TENM4: variants seen among roughly 807,000 people sequenced by gnomAD.
TENM4 encodes the protein teneurin transmembrane protein 4.
TENM4 carries 82 observed loss-of-function variants against 243.3 expected under a neutral mutation model. That is an observed-to-expected ratio of 0.34 (90% CI 0.28 to 0.40). TENM4 has a LOEUF of 0.40. Ranked by LOEUF, TENM4 falls within the 10% of genes least tolerant of loss-of-function variation. The probability of loss-of-function intolerance (pLI) is 1.00; values close to 1 mark genes in which losing one functional copy is unlikely to be tolerated. For synonymous variants in TENM4, 1,412 were observed against 1,456.3 expected, an observed-to-expected ratio of 0.97 and a Z score of 0.69; for missense variants, 3,138 against 3,673.3, an observed-to-expected ratio of 0.85 and a Z score of 3.77.
intron 9 of TENM4, among the ~76,000 whole-genome samples, chr11:78,888,402 G>C (rs1203665434): frequency 3.9e-5 from 6 of 152,192 alleles, no homozygotes; most frequent in African/African-American, 1.4e-4. Context: ...TATTCAGAAG[G>C]GGAAAAGAGA....
At chr11:78,884,098 T>C (rs1945249) in intron 9 of TENM4, among the ~76,000 whole-genome samples, 77,298 of 152,176 alleles carry the variant, frequency 0.51, 23,800 homozygotes, top group East Asian at 0.78. Context: ...TCTTGTAAAT[T>C]ATCTTACAGA....
At chr11:79,306,670 A>G (rs1249853763) in intron 1 of TENM4, among the ~76,000 whole-genome samples, 1 of 152,224 alleles carries the variant, frequency 6.6e-6, no homozygotes, top group Non-Finnish European at 1.5e-5. Flanking sequence ...TATGAACTCT[A>G]CATGCACACA....
intron 1 of TENM4, among the ~76,000 whole-genome samples, chr11:79,316,370 C>T (rs1042855963): frequency 2.0e-5 from 3 of 152,146 alleles, no homozygotes; most frequent in Admixed American, 6.5e-5. Context: ...AAAGAAACAA[C>T]AGCCAACCAT....
At chr11:78,963,808 T>C (rs368798766) in intron 6 of TENM4, among the ~76,000 whole-genome samples, 4 of 151,144 alleles carry the variant, frequency 2.6e-5, no homozygotes, top group African/African-American at 9.7e-5. Flanking sequence ...CTTGGCTCAC[T>C]GCAACCTCTG....
intron 15 of TENM4, among the ~76,000 whole-genome samples, chr11:78,792,667 G>T (rs1857080764): frequency 6.6e-6 from 1 of 152,238 alleles, no homozygotes; most frequent in Non-Finnish European, 1.5e-5. Context: ...TTTGTTGAAA[G>T]AATAGATGAA....
intron 3 of TENM4, among the ~76,000 whole-genome samples, chr11:79,198,779 C>T (rs1863685465): frequency 1.3e-5 from 2 of 152,192 alleles, no homozygotes; most frequent in Admixed American, 1.3e-4. Context: ...GTGGCATTGT[C>T]CTGCCCTTGC....
intron 4 of TENM4, among the ~76,000 whole-genome samples, chr11:79,147,597 C>T (rs1408362334): frequency 6.6e-6 from 1 of 152,070 alleles, no homozygotes; most frequent in Non-Finnish European, 1.5e-5. Flanking sequence ...GAGTCTCTAG[C>T]ACCTCCTATC....
At chr11:78,871,107 T>C (rs10899573) in intron 9 of TENM4, among the ~76,000 whole-genome samples, 98,384 of 151,896 alleles carry the variant, frequency 0.65, 33,350 homozygotes, top group East Asian at 0.8. Flanking sequence ...AGAAAATGGC[T>C]GTGAAGAGCA....
intron 9 of TENM4, among the ~76,000 whole-genome samples, chr11:78,883,848 T>C (rs1364633616): frequency 1.3e-5 from 2 of 152,196 alleles, no homozygotes; most frequent in African/African-American, 2.4e-5. Context: ...GCTGGAACAG[T>C]GAGACATCCC....
At chr11:79,417,734 CT>C (rs1858848707) in intron 1 of TENM4, among the ~76,000 whole-genome samples, 1 of 151,976 alleles carries the variant, frequency 6.6e-6, no homozygotes, top group African/African-American at 2.4e-5. Context: ...ATCCAAGCTC[CT>C]TGTGGCCTTC....
At chr11:78,745,077 G>A (rs1856015878) in intron 19 of TENM4, among the ~76,000 whole-genome samples, 1 of 152,056 alleles carries the variant, frequency 6.6e-6, no homozygotes, top group Admixed American at 6.6e-5. Context: ...CATTTTATGA[G>A]TAAGTTTGGT....
intron 21 of TENM4, among the ~76,000 whole-genome samples, chr11:78,731,080 TAAG>T (rs1282080627): frequency 6.6e-6 from 1 of 152,196 alleles, no homozygotes. Flanking sequence ...AATCTGATAA[TAAG>T]CAAGATTTTT....
chr11:79,159,368 C>T (rs575903388), intron 3 of TENM4, among the ~76,000 whole-genome samples: 2 of 152,196 alleles, frequency 1.3e-5, no homozygotes, highest in Middle Eastern at 3.4e-3. Flanking sequence ...GGTAGCATCA[C>T]CCTTATTTTG....
chr11:79,336,728 T>G (rs1008540200), intron 1 of TENM4, among the ~76,000 whole-genome samples: 6 of 152,216 alleles, frequency 3.9e-5, no homozygotes, highest in African/African-American at 1.4e-4. Context: ...CAAAAGGATG[T>G]AACATATTTG....
intron 1 of TENM4, among the ~76,000 whole-genome samples, chr11:79,415,237 A>G (rs1335668619): frequency 6.6e-6 from 1 of 152,222 alleles, no homozygotes; most frequent in Non-Finnish European, 1.5e-5. Flanking sequence ...AAATTAAAGC[A>G]TGTTTAATCA....
At chr11:79,063,344 C>T (rs909994221) in intron 6 of TENM4, among the ~76,000 whole-genome samples, 14 of 152,186 alleles carry the variant, frequency 9.2e-5, no homozygotes, top group East Asian at 3.9e-4. Context: ...GCAGGAATCA[C>T]GAGGATCTAC....
chr11:79,428,708 A>C (rs1205794260), intron 1 of TENM4, among the ~76,000 whole-genome samples: 1 of 152,198 alleles, frequency 6.6e-6, no homozygotes, highest in East Asian at 1.9e-4. Context: ...TTCTGACCCA[A>C]ATGCCCCAGT....
In TENM4 at chr11:78,708,532, C is replaced by T. The variant is rs771831067; in HGVS notation, c.4055-17G>A. ...CTGTAATGCCTGGGGGCAGAGAAGC[C>T]AAAACAGGAACTCAGCATCAGAGAT... On this transcript the variant is annotated splice_polypyrimidine_tract_variant and intron_variant, in intron 26 of 33. Coordinates refer to ENST00000278550, the MANE Select transcript of TENM4 (RefSeq NM_001098816.3). 2 of 1,612,136 alleles carry T rather than the reference C, an allele frequency of 1.2e-6. No individual in the cohort carries two copies. Among genetic ancestry groups the T allele is most frequent in the African/African-American group, 1.3e-5 (1 of 74,892 alleles).
chr11:79,110,349 T>C (rs1231734362), intron 4 of TENM4, among the ~76,000 whole-genome samples: 1 of 152,200 alleles, frequency 6.6e-6, no homozygotes, highest in Non-Finnish European at 1.5e-5. Flanking sequence ...CTAGCCACCC[T>C]GAAGCAGAAG....
Sources: gnomAD v4.1 joint callset for allele counts (sites outside exome capture counted in the v4.1 genomes callset) on GRCh38, gnomAD v4.1.1 for gene constraint, MANE v1.5 for transcripts, NCBI Gene and HGNC (gene_info 2026-07-23, HGNC 2026-07-21) for gene names.